The following RYR2 variants were observed in gnomAD, a reference collection of about 807,000 sequenced individuals.
RYR2 encodes the protein cardiac muscle ryanodine receptor-calcium release channel.
A neutral mutation model predicts 601.1 loss-of-function variants in RYR2; 227 were observed. The ratio of observed to expected loss-of-function variants is 0.38; its 90% CI spans 0.34 to 0.42. The LOEUF is 0.42. Ranked by LOEUF, RYR2 falls within the 10% of genes least tolerant of loss-of-function variation. The pLI is 1.00. For missense variants in RYR2, 4,646 were observed against 6,156.5 expected (o/e 0.75, Z 8.21); for synonymous variants, 2,223 against 2,175.1 (o/e 1.02, Z -0.61).
chr1:237,388,961 A>G lies in RYR2; in HGVS notation c.773+778A>G, dbSNP rs1044490887. Among the ~76,000 whole-genome samples, 3 of 152,256 alleles carry G rather than the reference A, an allele frequency of 2.0e-5. No individual in the cohort carries two copies. In the South Asian group the frequency reaches 6.2e-4, roughly 32 times the overall value. On this transcript the variant is annotated intron_variant, in intron 10 of 104. Transcript: ENST00000366574. Reference sequence around the variant, plus strand: ...AATTATTTATTTTTATAATTTAATAAAAATACATAGGGACCATTTAGAAAA... The same window carrying G: ...AATTATTTATTTTTATAATTTAATAGAAATACATAGGGACCATTTAGAAAA...
At chr1:237,253,329 G>A (rs1030675245) in intron 1 of RYR2, among the ~76,000 whole-genome samples, 2 of 152,166 alleles carry the variant, frequency 1.3e-5, no homozygotes, top group African/African-American at 2.4e-5. Flanking sequence ...CACTCATGCT[G>A]GAAAAAGGAC....
chr1:237,075,245 G>T lies in RYR2; in HGVS notation c.48+32676G>T, dbSNP rs116032099. Among the ~76,000 whole-genome samples, 1,052 of 152,204 alleles carry T rather than the reference G, an allele frequency of 6.9e-3. 18 individuals carry two copies. The highest frequency in any genetic ancestry group is 0.025 in the African/African-American group (1,033 of 41,504). ...AGGGGGAAAAATATGAGAAGAAAGT[G>T]TGTTGGAAAGAAAGTCTGCGGGAGG... On this transcript the variant is annotated intron_variant, in intron 1 of 104. Transcript: ENST00000366574.
intron 2 of RYR2, among the ~76,000 whole-genome samples, chr1:237,271,599 CA>C (rs1251984162): frequency 2.0e-5 from 3 of 152,104 alleles, no homozygotes; most frequent in Non-Finnish European, 2.9e-5. Context: ...GAAGCCTTAT[CA>C]AAAAGGCATA....
At chr1:237,085,501 A>T (rs772584530) in intron 1 of RYR2, among the ~76,000 whole-genome samples, 4 of 152,222 alleles carry the variant, frequency 2.6e-5, no homozygotes, top group Non-Finnish European at 4.4e-5. Flanking sequence ...GGAGAAGGGA[A>T]GCAATGAGAA....
At chr1:237,258,237 C>T (rs754728048) in intron 1 of RYR2, among the ~76,000 whole-genome samples, 4 of 150,068 alleles carry the variant, frequency 2.7e-5, no homozygotes, top group Non-Finnish European at 4.4e-5. Flanking sequence ...AGCAAAATAG[C>T]GGTATGTGTG....
At chr1:237,148,531 T>TATATATATATATATACACACAC (rs1558319962) in intron 1 of RYR2, among the ~76,000 whole-genome samples, 2 of 77,564 alleles carry the variant, frequency 2.6e-5, no homozygotes, top group African/African-American at 1.3e-4. Context: ...AAAAAAAATA[T>TATATATATATATATACACACAC]ATATATATAT....
chr1:237,543,089 C>A lies in RYR2; in HGVS notation c.2907-5342C>A, dbSNP rs118101578. Among the ~76,000 whole-genome samples the A allele has an allele frequency of 7.8e-4, 119 of 152,234 alleles. 1 individual carries two copies. The East Asian group carries it at 0.02, about 25-fold the overall frequency. ...AGCAGAGATTTTAATATCACAAGGC[C>A]CTGCTATAAAGATCTTTGTCTCTGC... On this transcript the variant is annotated intron_variant, in intron 25 of 104. Coordinates refer to ENST00000366574, the MANE Select transcript of RYR2 (RefSeq NM_001035.3).
intron 1 of RYR2, among the ~76,000 whole-genome samples, chr1:237,045,232 C>T (rs181316896): frequency 3.9e-4 from 59 of 152,256 alleles, no homozygotes; most frequent in African/African-American, 1.3e-3. Context: ...GACCACTGTC[C>T]ACAGAAAGCT....
chr1:237,807,164 A>C (rs940202747), intron 99 of RYR2, among the ~76,000 whole-genome samples: 2 of 152,180 alleles, frequency 1.3e-5, no homozygotes, highest in Non-Finnish European at 2.9e-5. Context: ...TGTGACGTGC[A>C]CGGCAAGTCA....
At chr1:237,472,054 A>G (rs1000182402) in intron 17 of RYR2, among the ~76,000 whole-genome samples, 4 of 152,152 alleles carry the variant, frequency 2.6e-5, no homozygotes, top group Non-Finnish European at 4.4e-5. Context: ...TCTAAAATAT[A>G]TTTTGCTGAA....
Position 237,548,346 on chromosome 1 carries a change from A to G in RYR2, c.2907-85A>G, listed in dbSNP as rs1361796641. The G allele has an allele frequency of 1.3e-5, 18 of 1,420,488 alleles. No individual in the cohort carries two copies. In the East Asian group the frequency reaches 3.9e-4, roughly 31 times the overall value. The allele number at this position is 1,420,488 out of a possible 1,614,324, so 88.0% of individuals were successfully genotyped here. A position where few individuals can be genotyped will look rare whatever the true frequency, so the allele number is the denominator to read the frequency against. On this transcript the variant is annotated intron_variant, in intron 25 of 104. Coordinates refer to ENST00000366574, the MANE Select transcript of RYR2 (RefSeq NM_001035.3). Reference sequence around the variant, plus strand: ...CACTGTGGTTTATGGAAGAACAGTAATGAGGTAGGGCCAGAAAATGATATT... The same window carrying G: ...CACTGTGGTTTATGGAAGAACAGTAGTGAGGTAGGGCCAGAAAATGATATT...
chr1:237,737,198 T>C (rs1274577598), intron 79 of RYR2, among the ~76,000 whole-genome samples: 2 of 152,220 alleles, frequency 1.3e-5, no homozygotes, highest in Non-Finnish European at 1.5e-5. Flanking sequence ...AAGCTAAATC[T>C]AGTTTCTTTT....
intron 1 of RYR2, among the ~76,000 whole-genome samples, chr1:237,246,609 A>G (rs1686872630): frequency 6.6e-6 from 1 of 152,014 alleles, no homozygotes; most frequent in Non-Finnish European, 1.5e-5. Flanking sequence ...GCTTTGTGTT[A>G]TTCTTTTTTA....
At chr1:237,400,189 G>T (rs1558754417) in intron 10 of RYR2, among the ~76,000 whole-genome samples, 1 of 152,146 alleles carries the variant, frequency 6.6e-6, no homozygotes, top group Non-Finnish European at 1.5e-5. Context: ...ATGTTCAAGG[G>T]ATTTTTATTA....
chr1:237,565,177 T>C (rs1201883186), intron 27 of RYR2, among the ~76,000 whole-genome samples: 1 of 82,114 alleles, frequency 1.2e-5, no homozygotes, highest in Non-Finnish European at 2.6e-5. Context: ...CTTTCTTTCT[T>C]TCTTTCTTTC....
chr1:237,344,803 TTTTA>T (rs534125417), intron 3 of RYR2, among the ~76,000 whole-genome samples: 3 of 152,226 alleles, frequency 2.0e-5, no homozygotes, highest in Non-Finnish European at 2.9e-5. Flanking sequence ...AGTAAGTCTT[TTTTA>T]TTTATTTATT....
chr1:237,602,417 G>A (rs1355871285), intron 35 of RYR2, among the ~76,000 whole-genome samples: 1 of 152,166 alleles, frequency 6.6e-6, no homozygotes, highest in East Asian at 1.9e-4. Context: ...TGGACTTAAA[G>A]ATCTGAAACC....
At chr1:237,081,464 CCCTG>C (rs930503217) in intron 1 of RYR2, among the ~76,000 whole-genome samples, 3 of 150,138 alleles carry the variant, frequency 2.0e-5, no homozygotes, top group Non-Finnish European at 4.4e-5. Context: ...CACAGGAGGA[CCCTG>C]TCTTTCTTTA....
chr1:237,790,988 C>T lies in RYR2; in HGVS notation c.13477-441C>T, dbSNP rs190856538. On this transcript the variant is annotated intron_variant, in intron 92 of 104. Transcript: ENST00000366574. ...TCAAACACACCAACATCACTCCTAA[C>T]TCAGGGCCTCTGCCCTTGTTGCTCC... is the stretch of plus-strand genomic sequence containing the variant. Among the ~76,000 whole-genome samples the T allele has an allele frequency of 5.0e-4, 76 of 152,054 alleles. No homozygotes were observed. The East Asian group carries it at 0.014, about 28-fold the overall frequency.
Sources: gnomAD v4.1 joint callset for allele counts (sites outside exome capture counted in the v4.1 genomes callset) on GRCh38, gnomAD v4.1.1 for gene constraint, MANE v1.5 for transcripts, NCBI Gene and HGNC (gene_info 2026-07-23, HGNC 2026-07-21) for gene names.